DEAF1: variants seen among roughly 807,000 people sequenced by gnomAD.
DEAF1 encodes the protein deformed epidermal autoregulatory factor 1 homolog.
In DEAF1, 53 loss-of-function variants were observed where a neutral mutation model predicts 58.9. That is an observed-to-expected ratio of 0.90 (90% CI 0.72 to 1.13). The LOEUF (loss-of-function observed/expected upper bound fraction) is 1.13. DEAF1 is among the 50% of genes most tolerant of loss of function. DEAF1 has a pLI of 0.00. For missense variants in DEAF1, 685 were observed against 791.4 expected (o/e 0.87, Z 1.61); for synonymous variants, 385 against 340.4 (o/e 1.13, Z -1.44).
chr11:646,566 G>A (rs1858510105), intron 11 of DEAF1: 1 of 152,240 alleles, frequency 6.6e-6, no homozygotes, highest in Non-Finnish European at 1.5e-5. Flanking sequence ...CTGTGCAGAT[G>A]GAGGGAGAGA....
intron 6 of DEAF1, among the ~76,000 whole-genome samples, chr11:683,722 C>T (rs1339276919): frequency 6.6e-6 from 1 of 152,142 alleles, no homozygotes; most frequent in African/African-American, 2.4e-5. Context: ...GGGAAAAAGT[C>T]GCATCTTTAC....
Position 649,072 on chromosome 11 carries a change from A to G in DEAF1, c.1594-4418T>C, listed in dbSNP as rs192444836. 2.9e-3 allele frequency among the ~76,000 whole-genome samples: 434 copies of G among 151,342 alleles called. 2 individuals are homozygous for G. Among genetic ancestry groups the G allele is most frequent in the Middle Eastern group, 0.014 (4 of 286 alleles). ...TCAAGACCAGCCTGGCCAACATGGCAAAACCCTCTCTCTACGAAAAATACA... is the reference window on the plus strand; with the variant it reads ...TCAAGACCAGCCTGGCCAACATGGCGAAACCCTCTCTCTACGAAAAATACA... On this transcript the variant is annotated intron_variant, in intron 11 of 11. Coordinates refer to ENST00000382409, the MANE Select transcript of DEAF1 (RefSeq NM_021008.4).
At chr11:648,355 A>T (rs561456929) in intron 11 of DEAF1, among the ~76,000 whole-genome samples, 7 of 151,820 alleles carry the variant, frequency 4.6e-5, no homozygotes, top group Non-Finnish European at 7.4e-5. Context: ...CCACCACGCC[A>T]AGCTAATTTT....
At chr11:702,130 G>GGA in intron 1 of DEAF1, among the ~76,000 whole-genome samples, 1 of 152,208 alleles carries the variant, frequency 6.6e-6, no homozygotes, top group Non-Finnish European at 1.5e-5. Context: ...CTGCGGGGAA[G>GGA]GGTGGCCCCC....
intron 1 of DEAF1, chr11:700,653 G>A (rs148483462): frequency 8.9e-5 from 143 of 1,613,916 alleles, no homozygotes; most frequent in Non-Finnish European, 1.2e-4. Context: ...CCTGGTCCTC[G>A]ATCTTGCTCT....
chr11:682,374 G>A (rs1004804196), intron 6 of DEAF1, among the ~76,000 whole-genome samples: 32 of 152,136 alleles, frequency 2.1e-4, no homozygotes, highest in Middle Eastern at 3.2e-3. Context: ...GGCTTTCCTC[G>A]CCTCTCTGGT....
At chr11:667,006 C>T (rs186711687) in intron 10 of DEAF1, among the ~76,000 whole-genome samples, 1 of 151,996 alleles carries the variant, frequency 6.6e-6, no homozygotes, top group East Asian at 1.9e-4. Flanking sequence ...CAAGACCAGC[C>T]TGAGAAACAT....
At chr11:696,165 G>A (rs2133445406), upstream of DEAF1, among the ~76,000 whole-genome samples, 1 of 152,292 alleles carries the variant, frequency 6.6e-6, no homozygotes, top group Admixed American at 6.5e-5. Context: ...GGCGGGATGG[G>A]CGCAGGGTTT....
intron 10 of DEAF1, among the ~76,000 whole-genome samples, chr11:668,100 G>A (rs1166430868): frequency 6.6e-6 from 1 of 152,122 alleles, no homozygotes. Context: ...AAACAAGAGC[G>A]AGACTCTGTC....
upstream of DEAF1, chr11:695,520 G>C (rs1285853417): frequency 9.7e-7 from 1 of 1,030,548 alleles, no homozygotes; most frequent in Non-Finnish European, 1.2e-6. Context: ...AGAGAGCTTA[G>C]TGCCGCGGGT....
intron 7 of DEAF1, 104 bp downstream of exon 7, chr11:680,859 G>A (rs1860328723): frequency 6.5e-7 from 1 of 1,529,360 alleles, no homozygotes; most frequent in Non-Finnish European, 9.0e-7. Context: ...CACGCAATGT[G>A]CTTTAGAAGT....
chr11:685,997 A>T (rs918069504), intron 5 of DEAF1, among the ~76,000 whole-genome samples: 2 of 143,598 alleles, frequency 1.4e-5, no homozygotes, highest in African/African-American at 5.2e-5. Flanking sequence ...ATACAAAAAA[A>T]ATAGGCCGGG....
At chr11:682,054 C>T (rs11607049) in intron 6 of DEAF1, among the ~76,000 whole-genome samples, 12,548 of 152,308 alleles carry the variant, frequency 0.082, 631 homozygotes, top group Admixed American at 0.18. Flanking sequence ...TACTCAGGTA[C>T]GGAGCTGGAC....
intron 6 of DEAF1, among the ~76,000 whole-genome samples, chr11:684,636 C>A (rs749890562): frequency 6.6e-6 from 1 of 152,146 alleles, no homozygotes; most frequent in Non-Finnish European, 1.5e-5. Flanking sequence ...ACATTATAAC[C>A]GCTTTTCATT....
At chr11:653,083 CAAAAAAAAAAAA>C (rs71022946) in intron 11 of DEAF1, among the ~76,000 whole-genome samples, 94 of 62,276 alleles carry the variant, frequency 1.5e-3, no homozygotes, top group African/African-American at 6.3e-3. Context: ...GACTCTGTCT[CAAAAAAAAAAAA>C]AAAAAAAAAA....
chr11:700,751 G>C (rs1383655181), intron 1 of DEAF1: 4 of 1,527,456 alleles, frequency 2.6e-6, no homozygotes, highest in East Asian at 4.5e-5. Flanking sequence ...CCTAAGAGTT[G>C]CTATCTGTTT....
At chr11:690,508 C>G (rs368471442) in intron 2 of DEAF1, among the ~76,000 whole-genome samples, 1 of 151,986 alleles carries the variant, frequency 6.6e-6, no homozygotes, top group East Asian at 1.9e-4. Context: ...AATCCCAGCA[C>G]TTTGGGAGGT....
Position 644,358 on chromosome 11 carries a change from G to A in DEAF1, c.*192C>T. The A allele has an allele frequency of 3.1e-6, 2 of 634,964 alleles. No individual in the cohort carries two copies. The highest frequency in any genetic ancestry group is 2.7e-5 in the East Asian group (1 of 36,430). 39.3% of individuals were successfully genotyped at this position (634,964 alleles called of 1,614,324 possible). A position where few individuals can be genotyped will look rare whatever the true frequency, so the allele number is the denominator to read the frequency against. ...AAATCTGTCCGCGAGCGGGCAGGGG[G>A]CCCGGGCAGGGGGAGTGCGCTTCCC... is the stretch of plus-strand genomic sequence containing the variant. On this transcript the variant is annotated 3_prime_UTR_variant, in exon 12 of 12. Coordinates refer to ENST00000382409, the MANE Select transcript of DEAF1 (RefSeq NM_021008.4). This position sits in a 1 kb window ranked among gnomAD's most constrained non-coding sequence, Gnocchi z 4.3.
At chr11:697,650 C>A (rs1861261992), upstream of DEAF1, 1 of 152,186 alleles carries the variant, frequency 6.6e-6, no homozygotes, top group Admixed American at 6.5e-5. Context: ...ACAGAAGGGA[C>A]AAAAACCCCA....
Sources: allele counts gnomAD v4.1 joint callset (sites outside exome capture counted in the v4.1 genomes callset), GRCh38; gene constraint gnomAD v4.1.1; non-coding constraint Gnocchi (gnomAD v3.1); transcripts MANE v1.5; gene names NCBI Gene and HGNC (gene_info 2026-07-23, HGNC 2026-07-21).